The following KIAA1328 variants were observed in gnomAD, a reference collection of about 807,000 sequenced individuals.
KIAA1328 encodes KIAA1328.
KIAA1328 carries 52 observed loss-of-function variants against 68.1 expected under a neutral mutation model. The ratio of observed to expected loss-of-function variants is 0.76; its 90% CI spans 0.61 to 0.96. KIAA1328 has a LOEUF of 0.96. KIAA1328 is among the 40% of genes least tolerant of loss of function. The pLI is 0.00. For missense variants in KIAA1328, 641 were observed against 677.6 expected (o/e 0.95, Z 0.60); for synonymous variants, 232 against 239.4 (o/e 0.97, Z 0.28).
intron 7 of KIAA1328, among the ~76,000 whole-genome samples, chr18:37,071,583 A>G (rs2056536941): frequency 6.6e-6 from 1 of 152,166 alleles, no homozygotes; most frequent in African/African-American, 2.4e-5. Flanking sequence ...TAATGTAGAG[A>G]TGATATAAAT....
intron 7 of KIAA1328, among the ~76,000 whole-genome samples, chr18:37,077,424 A>G (rs960411206): frequency 1.3e-5 from 2 of 149,374 alleles, no homozygotes; most frequent in East Asian, 1.9e-4. Flanking sequence ...AACTGGCACA[A>G]GACAGGGATG....
chr18:37,224,112 C>G lies in KIAA1328; in HGVS notation c.*1885C>G, dbSNP rs1241652564. On this transcript the variant is annotated 3_prime_UTR_variant, in exon 10 of 10. Transcript: ENST00000280020. The stretch of plus-strand genomic sequence containing the variant: ...ATTTTTTCAGTTAAAGTTAGGTTGC[C>G]AGAACTTTCTTTTCCTTGCCCCCTG... 2.0e-6 allele frequency: 2 copies of G among 985,186 alleles called. No individual in the cohort carries two copies. Among genetic ancestry groups the G allele is most frequent in the Non-Finnish European group, 2.4e-6 (2 of 829,936 alleles). 61.0% of individuals were successfully genotyped at this position (985,186 alleles called of 1,614,324 possible).
intron 5 of KIAA1328, among the ~76,000 whole-genome samples, chr18:36,893,882 T>C (rs1179565322): frequency 6.6e-6 from 1 of 152,138 alleles, no homozygotes; most frequent in African/African-American, 2.4e-5. Flanking sequence ...AAATACAACA[T>C]GGTATTCGGA....
chr18:37,099,147 G>T (rs769574197), intron 7 of KIAA1328, among the ~76,000 whole-genome samples: 15 of 152,052 alleles, frequency 9.9e-5, no homozygotes, highest in Non-Finnish European at 1.8e-4. Context: ...TGCTTCTCTA[G>T]TTCTTTTAAT....
At chr18:37,150,924 A>G (rs141241708) in intron 7 of KIAA1328, among the ~76,000 whole-genome samples, 1 of 152,242 alleles carries the variant, frequency 6.6e-6, no homozygotes, top group Non-Finnish European at 1.5e-5. Context: ...GTCCACTCTT[A>G]CCACTTTTAT....
intron 5 of KIAA1328, among the ~76,000 whole-genome samples, chr18:36,938,071 G>A (rs2050572213): frequency 6.6e-6 from 1 of 152,118 alleles, no homozygotes; most frequent in African/African-American, 2.4e-5. Context: ...TGGGTGTGCA[G>A]GTGTCTCTTC....
chr18:36,891,248 A>G (rs1405456729), intron 5 of KIAA1328, among the ~76,000 whole-genome samples: 1 of 152,244 alleles, frequency 6.6e-6, no homozygotes, highest in African/African-American at 2.4e-5. Flanking sequence ...AATTATGTAC[A>G]TATATTTAAA....
intron 4 of KIAA1328, among the ~76,000 whole-genome samples, chr18:36,864,305 T>C (rs1004929864): frequency 2.3e-4 from 24 of 106,104 alleles, no homozygotes; most frequent in Non-Finnish European, 4.7e-4. Context: ...GTTATAATTG[T>C]TTTTTTTTTT....
At chr18:36,989,772 T>G (rs8095262) in intron 6 of KIAA1328, among the ~76,000 whole-genome samples, 150,307 of 152,168 alleles carry the variant, frequency 0.99, 74,252 homozygotes, top group East Asian at 1. Context: ...TCGGCTCACT[T>G]CAAGCTCCGC....
intron 6 of KIAA1328, among the ~76,000 whole-genome samples, chr18:36,969,766 C>G (rs2052101051): frequency 6.6e-6 from 1 of 152,138 alleles, no homozygotes; most frequent in African/African-American, 2.4e-5. Context: ...AGTAAGGACT[C>G]CTCCCTAACT....
At chr18:36,900,826 C>T (rs2049012503) in intron 5 of KIAA1328, among the ~76,000 whole-genome samples, 1 of 151,944 alleles carries the variant, frequency 6.6e-6, no homozygotes, top group African/African-American at 2.4e-5. Context: ...AGGACAGATG[C>T]TTGTGCTTTA....
In KIAA1328 at chr18:37,067,187, A is replaced by G; in HGVS notation, c.874A>G (p.Met292Val). 1 of 1,614,014 alleles carries G rather than the reference A, an allele frequency of 6.2e-7. No homozygotes were observed. The highest frequency in any genetic ancestry group is 1.1e-5 in the South Asian group (1 of 91,082). ...TEKMPQEELH[M>V]KECPHLKPTP... ...GAAAATGCCACAAGAAGAATTGCAC[A>G]TGAAGGAATGTCCACATCTTAAGCC... Residue 292 changes from methionine (M) to valine (V), a missense_variant, in exon 7 of 10, where the codon ATG (methionine) becomes GTG (valine). Met to Val is a conservative substitution (Grantham distance 21). Coordinates refer to ENST00000280020, the MANE Select transcript of KIAA1328 (RefSeq NM_020776.3).
intron 9 of KIAA1328, among the ~76,000 whole-genome samples, chr18:37,220,890 G>A (rs902960336): frequency 4.6e-5 from 7 of 152,178 alleles, no homozygotes; most frequent in African/African-American, 1.4e-4. Context: ...GCAGTGGCAC[G>A]ATCTCAGCTC....
chr18:36,998,058 T>C (rs535666435), intron 6 of KIAA1328, among the ~76,000 whole-genome samples: 32 of 152,048 alleles, frequency 2.1e-4, no homozygotes, highest in Non-Finnish European at 3.8e-4. Flanking sequence ...GGGCTGAGGG[T>C]CGCCCCACCC....
At chr18:37,100,006 TG>T (rs564760322) in intron 7 of KIAA1328, among the ~76,000 whole-genome samples, 185 of 152,314 alleles carry the variant, frequency 1.2e-3, no homozygotes, top group African/African-American at 4.3e-3. Context: ...TGCAGCACAC[TG>T]ATGGGTCTTG....
At chr18:37,187,301 C>G (rs2059822600) in intron 9 of KIAA1328, among the ~76,000 whole-genome samples, 1 of 152,086 alleles carries the variant, frequency 6.6e-6, no homozygotes, top group South Asian at 2.1e-4. Flanking sequence ...GCTGTTTCTT[C>G]CGATGGGAAA....
At chr18:36,996,393 T>C (rs968107045) in intron 6 of KIAA1328, among the ~76,000 whole-genome samples, 9 of 152,182 alleles carry the variant, frequency 5.9e-5, no homozygotes, top group African/African-American at 2.2e-4. Flanking sequence ...CTGTAATGAG[T>C]AGAGCCACGA....
intron 9 of KIAA1328, among the ~76,000 whole-genome samples, chr18:37,201,109 GA>G (rs2060105489): frequency 6.6e-6 from 1 of 152,126 alleles, no homozygotes; most frequent in South Asian, 2.1e-4. Context: ...AGATCTTAGT[GA>G]AATCTTTGAT....
At position 37,223,770 on chromosome 18, in the gene KIAA1328, T is replaced by C; in HGVS notation, c.*1543T>C. The C allele has an allele frequency of 6.1e-6, 6 of 985,440 alleles. No individual in the cohort carries two copies. The highest frequency in any genetic ancestry group is 6.0e-6 in the Non-Finnish European group (5 of 829,932). 61.0% of individuals were successfully genotyped at this position (985,440 alleles called of 1,614,324 possible). A position where few individuals can be genotyped will look rare whatever the true frequency, so the allele number is the denominator to read the frequency against. ...CTTATCCAGATAGATCCAAAGCTCA[T>C]GTCTCTTCAGGCTGAGACTGGCGCT... On this transcript the variant is annotated 3_prime_UTR_variant, in exon 10 of 10. Transcript: ENST00000280020.
Sources: gnomAD v4.1 joint callset for allele counts (sites outside exome capture counted in the v4.1 genomes callset) on GRCh38, gnomAD v4.1.1 for gene constraint, MANE v1.5 for transcripts, NCBI Gene and HGNC (gene_info 2026-07-23, HGNC 2026-07-21) for gene names.